The following TLE1 variants were observed in gnomAD, a reference collection of about 807,000 sequenced individuals.
The protein encoded by TLE1 is transducin-like enhancer protein 1.
TLE1 carries 21 observed loss-of-function variants against 89.8 expected under a neutral mutation model. The ratio of observed to expected loss-of-function variants is 0.23; its 90% confidence interval spans 0.17 to 0.34. The LOEUF is 0.34. TLE1 is among the 10% of genes least tolerant of loss of function. The pLI, the probability that TLE1 is intolerant of heterozygous loss-of-function variation, is 1.00. For missense variants in TLE1, 795 were observed against 1,031.2 expected, an observed-to-expected ratio of 0.77 and a Z score of 3.14; for synonymous variants, 447 against 407.6, an observed-to-expected ratio of 1.10 and a Z score of -1.16.
At position 81,688,710 on chromosome 9, in the gene TLE1, A is replaced by AGGC; in HGVS notation, c.-473_-471dup. 6.4e-6 allele frequency: 1 copy of AGGC among 155,888 alleles called. No individual in the cohort carries two copies. Among genetic ancestry groups the AGGC allele is most frequent in the Non-Finnish European group, 1.4e-5 (1 of 70,924 alleles). 9.7% of individuals were successfully genotyped at this position (155,888 alleles called of 1,614,324 possible). On this transcript the variant is annotated 5_prime_UTR_variant, in exon 1 of 20. Coordinates refer to ENST00000376499, the MANE Select transcript of TLE1 (RefSeq NM_005077.5). ...CCGCCTCCTCTTCGGGCTTTCCCCG[A>AGGC]GGCGGCGGCGGGCGAGGTGCAGGTG... is the stretch of plus-strand genomic sequence containing the variant.
chr9:81,633,172 G>C (rs908083291), intron 8 of TLE1, among the ~76,000 whole-genome samples, 176 bp downstream of exon 8: 2 of 151,966 alleles, frequency 1.3e-5, no homozygotes, highest in African/African-American at 4.8e-5. Flanking sequence ...AGTCATATAA[G>C]AAAAAGAAAT....
chr9:81,667,083 C>T (rs1419431880), intron 4 of TLE1, among the ~76,000 whole-genome samples: 1 of 152,082 alleles, frequency 6.6e-6, no homozygotes, highest in Non-Finnish European at 1.5e-5. Flanking sequence ...GATTAAGCCA[C>T]TGCACTCCAG....
chr9:81,655,615 A>C (rs1362428352), intron 4 of TLE1, among the ~76,000 whole-genome samples: 1 of 152,196 alleles, frequency 6.6e-6, no homozygotes, highest in Non-Finnish European at 1.5e-5. Flanking sequence ...AAAGAGGCCC[A>C]TCCTTGACCT....
intron 4 of TLE1, among the ~76,000 whole-genome samples, chr9:81,664,722 A>T (rs924100547): frequency 2.0e-5 from 3 of 150,598 alleles, no homozygotes; most frequent in South Asian, 2.1e-4. Context: ...AAAAAAAAAT[A>T]AGTGAGGTAC....
At position 81,666,838 on chromosome 9, in the gene TLE1, C is replaced by T. The variant is rs373962087; in HGVS notation, c.235-12802G>A. On this transcript the variant is annotated intron_variant, in intron 4 of 19. Coordinates refer to ENST00000376499, the MANE Select transcript of TLE1 (RefSeq NM_005077.5). ...TAAAATATGCCTGTGTAAATAAAGA[C>T]AAAGGCCTGAAGCACTGGCTCACAT... 2.9e-4 allele frequency among the ~76,000 whole-genome samples: 44 copies of T among 151,186 alleles called. No individual in the cohort carries two copies. The East Asian group carries it at 8.4e-3, about 29-fold the overall frequency.
intron 8 of TLE1, among the ~76,000 whole-genome samples, chr9:81,627,513 C>G (rs1826051190): frequency 6.6e-6 from 1 of 152,132 alleles, no homozygotes; most frequent in African/African-American, 2.4e-5. Context: ...AGGGTTCACC[C>G]TATTCACAGC....
intron 6 of TLE1, among the ~76,000 whole-genome samples, chr9:81,644,770 A>G (rs760673552): frequency 1.0e-3 from 156 of 151,070 alleles, no homozygotes; most frequent in Non-Finnish European, 1.7e-3. Context: ...GAGACAGGTG[A>G]ATCACCTGAG....
At chr9:81,636,230 T>C (rs1827339920) in intron 6 of TLE1, among the ~76,000 whole-genome samples, 1 of 152,138 alleles carries the variant, frequency 6.6e-6, no homozygotes, top group African/African-American at 2.4e-5. Context: ...AAGACACTAA[T>C]TCTTGCTCTG....
At chr9:81,598,578 T>C (rs1317744555) in intron 14 of TLE1, among the ~76,000 whole-genome samples, 2 of 152,104 alleles carry the variant, frequency 1.3e-5, no homozygotes, top group East Asian at 3.8e-4. Context: ...TAATCACTTA[T>C]ATATTGAGGA....
intron 4 of TLE1, among the ~76,000 whole-genome samples, chr9:81,683,602 G>GT (rs1235903437): frequency 1.3e-5 from 2 of 152,112 alleles, no homozygotes; most frequent in South Asian, 2.1e-4. Context: ...TTTTTCAAAT[G>GT]TAAGTCCACT....
intron 4 of TLE1, among the ~76,000 whole-genome samples, chr9:81,682,528 T>A (rs896937325): frequency 1.3e-5 from 2 of 151,948 alleles, no homozygotes; most frequent in Non-Finnish European, 2.9e-5. Context: ...AAAGATAACA[T>A]GAGTGGGCTA....
At chr9:81,681,793 G>A (rs1361908589) in intron 4 of TLE1, among the ~76,000 whole-genome samples, 1 of 152,152 alleles carries the variant, frequency 6.6e-6, no homozygotes, top group Non-Finnish European at 1.5e-5. Context: ...ACCAGTCAGC[G>A]GCACTGCTGA....
Position 81,657,671 on chromosome 9 carries a change from T to A in TLE1, c.235-3635A>T, listed in dbSNP as rs186988558. Among the ~76,000 whole-genome samples, 805 of 152,222 alleles carry A rather than the reference T, an allele frequency of 5.3e-3. 4 individuals are homozygous for A. The highest frequency in any genetic ancestry group is 0.019 in the African/African-American group (769 of 41,536). The stretch of plus-strand genomic sequence containing the variant: ...CAATGAATACAGTGGTCTCTCGGTA[T>A]CTGTGAGGGATTGGTTCAGAATCCC... On this transcript the variant is annotated intron_variant, in intron 4 of 19. Coordinates refer to ENST00000376499, the MANE Select transcript of TLE1 (RefSeq NM_005077.5).
intron 4 of TLE1, among the ~76,000 whole-genome samples, chr9:81,658,222 C>G (rs1409267257): frequency 6.6e-6 from 1 of 151,760 alleles, no homozygotes; most frequent in Non-Finnish European, 1.5e-5. Context: ...CTGGCCGATG[C>G]AATGTTTTTT....
chr9:81,673,272 T>TA (rs5898756), intron 4 of TLE1, among the ~76,000 whole-genome samples: 34,030 of 97,830 alleles, frequency 0.35, 5,659 homozygotes, highest in Middle Eastern at 0.41. Flanking sequence ...AGACTTCATT[T>TA]AAAAAAAAAA....
intron 4 of TLE1, among the ~76,000 whole-genome samples, chr9:81,665,543 C>T (rs1225185571): frequency 6.6e-6 from 1 of 152,114 alleles, no homozygotes; most frequent in Non-Finnish European, 1.5e-5. Flanking sequence ...GTGCTGAAGG[C>T]TGCTTGGGCA....
chr9:81,608,837 T>C (rs770427719), intron 14 of TLE1, among the ~76,000 whole-genome samples: 8 of 151,640 alleles, frequency 5.3e-5, no homozygotes, highest in Non-Finnish European at 7.4e-5. Flanking sequence ...CTCGAGAGGC[T>C]GAGACAGAAG....
intron 6 of TLE1, among the ~76,000 whole-genome samples, chr9:81,635,058 G>A: frequency 6.6e-6 from 1 of 152,084 alleles, no homozygotes; most frequent in Non-Finnish European, 1.5e-5. Flanking sequence ...CTAAATTGCT[G>A]AAACTCTATC....
chr9:81,596,408 G>T (rs1490618141), intron 14 of TLE1, among the ~76,000 whole-genome samples: 3 of 152,050 alleles, frequency 2.0e-5, no homozygotes, highest in Non-Finnish European at 4.4e-5. Flanking sequence ...CAACACAAAG[G>T]GTGGATGGGC....
Sources: gnomAD v4.1 joint callset for allele counts (sites outside exome capture counted in the v4.1 genomes callset) on GRCh38, gnomAD v4.1.1 for gene constraint, MANE v1.5 for transcripts, NCBI Gene and HGNC (gene_info 2026-07-23, HGNC 2026-07-21) for gene names.